ULK4: variants seen among roughly 807,000 people sequenced by gnomAD.
ULK4 encodes unc-51 like kinase 4.
Under a neutral mutation model 160.6 loss-of-function variants are expected in ULK4, and 133 were observed. The observed-to-expected ratio is 0.83, with a 90% CI of 0.72 to 0.96. The LOEUF (loss-of-function observed/expected upper bound fraction) is 0.96. ULK4 is among the 40% of genes least tolerant of loss of function. The pLI is 0.00. For synonymous variants in ULK4, 534 were observed against 539.8 expected, an observed-to-expected ratio of 0.99 and a Z score of 0.15; for missense variants, 1,580 against 1,499.5, an observed-to-expected ratio of 1.05 and a Z score of -0.89.
At chr3:41,871,957 T>C (rs372181837) in intron 17 of ULK4, among the ~76,000 whole-genome samples, 3 of 152,222 alleles carry the variant, frequency 2.0e-5, no homozygotes, top group Non-Finnish European at 4.4e-5. Flanking sequence ...GGACAATATA[T>C]AATAAAGACT....
intron 32 of ULK4, among the ~76,000 whole-genome samples, chr3:41,517,981 A>G (rs1225418046): frequency 6.6e-6 from 1 of 152,234 alleles, no homozygotes; most frequent in Non-Finnish European, 1.5e-5. Context: ...AGATTTGTTG[A>G]ATGAAATTTA....
chr3:41,483,378 G>A (rs2084395611), intron 32 of ULK4, among the ~76,000 whole-genome samples: 2 of 151,866 alleles, frequency 1.3e-5, no homozygotes, highest in Non-Finnish European at 2.9e-5. Context: ...TCCTACCATG[G>A]AATATGAAGA....
At chr3:41,588,130 C>A (rs2125640320) in intron 31 of ULK4, among the ~76,000 whole-genome samples, 1 of 152,230 alleles carries the variant, frequency 6.6e-6, no homozygotes, top group South Asian at 2.1e-4. Flanking sequence ...CACAATAGAA[C>A]TGCAAACAAA....
Position 41,526,709 on chromosome 3 carries a change from T to G in ULK4, c.3226+39316A>C, listed in dbSNP as rs373545081. Among the ~76,000 whole-genome samples, 13 of 152,322 alleles carry G rather than the reference T, an allele frequency of 8.5e-5. No individual in the cohort carries two copies. The East Asian group carries it at 1.9e-3, about 23-fold the overall frequency. Reference sequence around the variant, plus strand: ...GGGGGTGGAGGGGAGATATATACTTTGTTTGAAATCTACAGAAGCATATAC... The same window carrying G: ...GGGGGTGGAGGGGAGATATATACTTGGTTTGAAATCTACAGAAGCATATAC... On this transcript the variant is annotated intron_variant, in intron 32 of 36. Coordinates refer to ENST00000301831, the MANE Select transcript of ULK4 (RefSeq NM_017886.4).
intron 27 of ULK4, among the ~76,000 whole-genome samples, chr3:41,683,835 C>T (rs139896506): frequency 1.1e-4 from 17 of 152,122 alleles, no homozygotes; most frequent in Non-Finnish European, 2.4e-4. Context: ...TCTTTAAGTA[C>T]ATTCCCTCCC....
chr3:41,764,077 T>C (rs1181916040), intron 21 of ULK4, among the ~76,000 whole-genome samples: 4 of 152,160 alleles, frequency 2.6e-5, no homozygotes, highest in Non-Finnish European at 5.9e-5. Flanking sequence ...AGGACACCTA[T>C]TTAAATCTCC....
At chr3:41,595,836 A>C (rs2031652828) in intron 31 of ULK4, among the ~76,000 whole-genome samples, 1 of 152,238 alleles carries the variant, frequency 6.6e-6, no homozygotes, top group Non-Finnish European at 1.5e-5. Context: ...AGCTGAGGGA[A>C]TAACAAGACA....
At chr3:41,706,354 T>C (rs2036877348) in intron 25 of ULK4, among the ~76,000 whole-genome samples, 1 of 144,106 alleles carries the variant, frequency 6.9e-6, no homozygotes. Context: ...AAATAATATA[T>C]ATATATTTAT....
At chr3:41,786,793 C>A (rs2040009760) in intron 21 of ULK4, among the ~76,000 whole-genome samples, 1 of 151,884 alleles carries the variant, frequency 6.6e-6, no homozygotes, top group Non-Finnish European at 1.5e-5. Context: ...TAAGTACAGC[C>A]AAAAACCCTG....
chr3:41,616,516 C>T (rs1451318816), intron 30 of ULK4, among the ~76,000 whole-genome samples: 4 of 152,150 alleles, frequency 2.6e-5, no homozygotes, highest in South Asian at 2.1e-4. Flanking sequence ...GGTGGGGCGT[C>T]GTCTCACCAG....
rs183182340 is a variant in ULK4, at chr3:41,509,360, C to T, written c.3227-46107G>A. ...TCTAAACCTAAGAATAATTGGTGTT[C>T]CTGAGGAAGAAGAGACATGTAAAAG... On this transcript the variant is annotated intron_variant, in intron 32 of 36. Transcript: ENST00000301831. Among the ~76,000 whole-genome samples, 355 of 152,200 alleles carry T rather than the reference C, an allele frequency of 2.3e-3. 1 individual carries two copies. The highest frequency in any genetic ancestry group is 3.7e-3 in the Non-Finnish European group (251 of 67,994).
intron 25 of ULK4, among the ~76,000 whole-genome samples, chr3:41,706,450 A>AT: frequency 6.7e-6 from 1 of 148,348 alleles, no homozygotes; most frequent in South Asian, 2.1e-4. Flanking sequence ...TATTTTATAT[A>AT]TGGTAACAAA....
intron 30 of ULK4, among the ~76,000 whole-genome samples, chr3:41,662,057 T>C (rs1050926600): frequency 6.6e-6 from 1 of 152,174 alleles, no homozygotes; most frequent in African/African-American, 2.4e-5. Context: ...GGATACAGTA[T>C]TCGCACATGA....
intron 30 of ULK4, among the ~76,000 whole-genome samples, chr3:41,627,943 C>T (rs1467174308): frequency 1.3e-5 from 2 of 152,050 alleles, no homozygotes; most frequent in Non-Finnish European, 2.9e-5. Flanking sequence ...GTCAGTGTGA[C>T]AGATGGAACA....
intron 34 of ULK4, among the ~76,000 whole-genome samples, chr3:41,431,315 T>G (rs1011041289): frequency 6.6e-6 from 1 of 150,728 alleles, no homozygotes; most frequent in Non-Finnish European, 1.5e-5. Flanking sequence ...GCCGCTGCAC[T>G]ACAGCCAGGC....
intron 32 of ULK4, among the ~76,000 whole-genome samples, chr3:41,493,090 T>C (rs977697678): frequency 6.6e-4 from 67 of 101,140 alleles, no homozygotes; most frequent in African/African-American, 2.3e-3. Context: ...AATAGACATC[T>C]ACAGAACTCT....
intron 20 of ULK4, among the ~76,000 whole-genome samples, chr3:41,798,810 A>C (rs2125602516): frequency 6.6e-6 from 1 of 152,264 alleles, no homozygotes; most frequent in South Asian, 2.1e-4. Flanking sequence ...CTAGTAGAGA[A>C]GGAAACATTT....
intron 32 of ULK4, among the ~76,000 whole-genome samples, chr3:41,557,318 T>C (rs2087335992): frequency 6.6e-6 from 1 of 151,252 alleles, no homozygotes; most frequent in Non-Finnish European, 1.5e-5. Context: ...AGTAGCATCA[T>C]AAAAATTGGA....
At chr3:41,418,867 A>G (rs2082593244) in intron 34 of ULK4, among the ~76,000 whole-genome samples, 1 of 152,210 alleles carries the variant, frequency 6.6e-6, no homozygotes, top group African/African-American at 2.4e-5. Flanking sequence ...GGGCTGGCAG[A>G]CAGTGCATGA....
Sources: allele counts gnomAD v4.1 joint callset (sites outside exome capture counted in the v4.1 genomes callset), GRCh38; gene constraint gnomAD v4.1.1; transcripts MANE v1.5; gene names NCBI Gene and HGNC (gene_info 2026-07-23, HGNC 2026-07-21).